GPC5: variants seen among roughly 807,000 people sequenced by gnomAD.
GPC5 encodes the protein glypican 5.
In GPC5, 47 loss-of-function variants were observed where a neutral mutation model predicts 53.9. The ratio of observed to expected loss-of-function variants is 0.87; its 90% CI spans 0.69 to 1.11. The LOEUF (loss-of-function observed/expected upper bound fraction) is 1.11. Among genes scored for constraint, GPC5 ranks in the 50% most tolerant of loss-of-function variants. The pLI is 0.00. For synonymous variants in GPC5, 286 were observed against 263.3 expected, an observed-to-expected ratio of 1.09 and a Z score of -0.84; for missense variants, 748 against 713.1, an observed-to-expected ratio of 1.05 and a Z score of -0.56.
At chr13:91,860,471 T>A (rs1594623377) in intron 5 of GPC5, among the ~76,000 whole-genome samples, 1 of 147,550 alleles carries the variant, frequency 6.8e-6, no homozygotes. Flanking sequence ...CCTTCCTTCC[T>A]GCCTTCCTTC....
chr13:91,987,742 T>C lies in GPC5; in HGVS notation c.1401+79685T>C, dbSNP rs935845146. 5.5e-5 allele frequency among the ~76,000 whole-genome samples: 8 copies of C among 146,446 alleles called. No homozygotes were observed. In the South Asian group the frequency reaches 1.5e-3, roughly 27 times the overall value. On this transcript the variant is annotated intron_variant, in intron 6 of 7. Coordinates refer to ENST00000377067, the MANE Select transcript of GPC5 (RefSeq NM_004466.6). ...TTCACAATAGTATATAAATACTATA[T>C]ATAGTATTTATATTATATTATGTAT...
intron 4 of GPC5, among the ~76,000 whole-genome samples, chr13:91,743,239 T>A (rs924684661): frequency 6.6e-6 from 1 of 152,154 alleles, no homozygotes; most frequent in Non-Finnish European, 1.5e-5. Context: ...CTCCTGTTGT[T>A]ACAATTTTTT....
intron 7 of GPC5, among the ~76,000 whole-genome samples, chr13:92,807,114 A>G (rs576442998): frequency 3.3e-5 from 5 of 152,056 alleles, no homozygotes; most frequent in Admixed American, 2.0e-4. Context: ...ATATACAGAA[A>G]GTGTTTAGCA....
At chr13:92,216,386 C>T (rs780360607) in intron 7 of GPC5, among the ~76,000 whole-genome samples, 15 of 152,070 alleles carry the variant, frequency 9.9e-5, no homozygotes, top group Non-Finnish European at 1.5e-4. Flanking sequence ...AGATGGAAGA[C>T]AAGCCTCACA....
chr13:92,818,748 T>G (rs1464819804), intron 7 of GPC5, among the ~76,000 whole-genome samples: 2 of 151,942 alleles, frequency 1.3e-5, no homozygotes, highest in Non-Finnish European at 2.9e-5. Context: ...CTTGAGGTAT[T>G]TGATGAATAA....
At chr13:91,596,482 GT>G (rs1469366784) in intron 2 of GPC5, among the ~76,000 whole-genome samples, 1 of 152,140 alleles carries the variant, frequency 6.6e-6, no homozygotes, top group African/African-American at 2.4e-5. Context: ...TGACGTATTG[GT>G]TTTTCTTTTG....
chr13:91,499,824 G>A (rs1188998711), intron 2 of GPC5, among the ~76,000 whole-genome samples: 1 of 152,130 alleles, frequency 6.6e-6, no homozygotes, highest in South Asian at 2.1e-4. Flanking sequence ...ACAGATACAT[G>A]GAGCCACTTC....
intron 1 of GPC5, among the ~76,000 whole-genome samples, chr13:91,440,857 G>T (rs944537758): frequency 6.6e-6 from 1 of 152,174 alleles, no homozygotes; most frequent in African/African-American, 2.4e-5. Context: ...CTTATAGACT[G>T]CACAAGTTAT....
At chr13:92,276,227 A>G (rs1399618874) in intron 7 of GPC5, among the ~76,000 whole-genome samples, 1 of 152,156 alleles carries the variant, frequency 6.6e-6, no homozygotes, top group African/African-American at 2.4e-5. Flanking sequence ...CTGTCACACA[A>G]ATCACTGGCC....
intron 7 of GPC5, among the ~76,000 whole-genome samples, chr13:92,387,930 A>G (rs946986965): frequency 1.3e-5 from 2 of 152,124 alleles, no homozygotes; most frequent in African/African-American, 4.8e-5. Context: ...CATTATTACT[A>G]TTTCACTGAT....
chr13:92,732,862 T>A (rs1243958119), intron 7 of GPC5, among the ~76,000 whole-genome samples: 2 of 151,674 alleles, frequency 1.3e-5, no homozygotes, highest in Non-Finnish European at 3.0e-5. Flanking sequence ...ACTTAAATAA[T>A]TCCTGATGTG....
At chr13:92,798,961 C>T (rs928812377) in intron 7 of GPC5, among the ~76,000 whole-genome samples, 1 of 151,730 alleles carries the variant, frequency 6.6e-6, no homozygotes, top group African/African-American at 2.4e-5. Flanking sequence ...TCTTTGTCTC[C>T]AAGAAAGAGT....
intron 5 of GPC5, among the ~76,000 whole-genome samples, chr13:91,794,986 G>A (rs1291296861): frequency 2.6e-5 from 4 of 152,126 alleles, no homozygotes; most frequent in Non-Finnish European, 4.4e-5. Flanking sequence ...AGGAAGAAAC[G>A]AAGGGAGGGA....
intron 5 of GPC5, among the ~76,000 whole-genome samples, chr13:91,870,953 A>G (rs186611861): frequency 7.2e-5 from 11 of 152,316 alleles, no homozygotes; most frequent in Admixed American, 1.3e-4. Context: ...GCACATAGGT[A>G]ATGAGATATG....
intron 7 of GPC5, among the ~76,000 whole-genome samples, chr13:92,608,238 A>G (rs1884317733): frequency 6.6e-6 from 1 of 152,040 alleles, no homozygotes; most frequent in African/African-American, 2.4e-5. Flanking sequence ...AGCACCTCCA[A>G]CTCTTACATT....
At chr13:92,354,080 C>T (rs1455500905) in intron 7 of GPC5, among the ~76,000 whole-genome samples, 1 of 152,158 alleles carries the variant, frequency 6.6e-6, no homozygotes, top group Non-Finnish European at 1.5e-5. Context: ...TTGTTACCAA[C>T]ATTTTAACAC....
intron 7 of GPC5, among the ~76,000 whole-genome samples, chr13:92,553,624 A>AC (rs1882395439): frequency 6.6e-6 from 1 of 151,974 alleles, no homozygotes; most frequent in Non-Finnish European, 1.5e-5. Flanking sequence ...AGCCGAGGGA[A>AC]CAGAGAGGAA....
rs116259931 is a variant in GPC5, at chr13:91,794,515, C to T, written c.1280+38095C>T. Among the ~76,000 whole-genome samples, 1,008 of 152,296 alleles carry T rather than the reference C, an allele frequency of 6.6e-3. 9 individuals carry two copies. Among genetic ancestry groups the T allele is most frequent in the African/African-American group, 0.023 (954 of 41,550 alleles). On this transcript the variant is annotated intron_variant, in intron 5 of 7. Transcript: ENST00000377067. ...TCTGGGTATTGGTTAGAGCTCTCTA[C>T]AAATGTCTTCTGATTTTCTTAAAGA...
chr13:91,524,355 GTAT>G (rs1340557519), intron 2 of GPC5, among the ~76,000 whole-genome samples: 4 of 151,908 alleles, frequency 2.6e-5, no homozygotes, highest in South Asian at 2.1e-4. Context: ...ATTTAGTGTA[GTAT>G]TATTTTTTGA....
Sources: gnomAD v4.1 joint callset for allele counts (sites outside exome capture counted in the v4.1 genomes callset) on GRCh38, gnomAD v4.1.1 for gene constraint, MANE v1.5 for transcripts, NCBI Gene and HGNC (gene_info 2026-07-23, HGNC 2026-07-21) for gene names.